MICAL3: variants seen among roughly 807,000 people sequenced by gnomAD.
MICAL3 encodes the protein microtubule associated monooxygenase, calponin and LIM domain containing 3.
A neutral mutation model predicts 207.4 loss-of-function variants in MICAL3; 62 were observed. That is an observed-to-expected ratio of 0.30 (90% confidence interval 0.24 to 0.37). The LOEUF is 0.37. MICAL3 is among the 10% of genes least tolerant of loss of function. MICAL3 has a pLI of 1.00. For missense variants in MICAL3, 2,368 were observed against 2,635.6 expected (o/e 0.90, Z 2.22); for synonymous variants, 1,077 against 1,069.3 (o/e 1.01, Z -0.14).
chr22:17,966,200 C>A (rs1935133107), intron 1 of MICAL3, among the ~76,000 whole-genome samples: 1 of 152,156 alleles, frequency 6.6e-6, no homozygotes, highest in African/African-American at 2.4e-5. Flanking sequence ...CATCGAATTT[C>A]CAGTCCCTGA....
At chr22:18,018,037 C>T (rs559081712) in intron 1 of MICAL3, among the ~76,000 whole-genome samples, 91 of 151,026 alleles carry the variant, frequency 6.0e-4, no homozygotes, top group South Asian at 4.4e-3. Context: ...GGCATGCCAC[C>T]GCGCCCGGCC....
chr22:17,854,431 T>C (rs937646094), intron 19 of MICAL3, among the ~76,000 whole-genome samples: 3 of 152,104 alleles, frequency 2.0e-5, no homozygotes, highest in African/African-American at 4.8e-5. Flanking sequence ...AGGTCTGACG[T>C]GGTAAGCTCA....
chr22:17,992,064 C>A (rs1248095099), intron 1 of MICAL3, among the ~76,000 whole-genome samples: 2 of 152,186 alleles, frequency 1.3e-5, no homozygotes, highest in African/African-American at 2.4e-5. Flanking sequence ...GGAAAGGGCA[C>A]AGACTGCAAA....
At chr22:17,875,358 G>A (rs565429221) in intron 16 of MICAL3, 34 of 741,216 alleles carry the variant, frequency 4.6e-5, no homozygotes, top group Non-Finnish European at 6.4e-5. Flanking sequence ...GAGGAACACT[G>A]CAGCCTCCTG....
chr22:17,975,666 T>A (rs1037990559), intron 1 of MICAL3, among the ~76,000 whole-genome samples: 3 of 152,144 alleles, frequency 2.0e-5, no homozygotes, highest in African/African-American at 7.2e-5. Flanking sequence ...AAATAGCACA[T>A]TTTCAAGTCA....
intron 20 of MICAL3, among the ~76,000 whole-genome samples, chr22:17,833,623 T>C (rs749903338): frequency 2.0e-4 from 31 of 152,186 alleles, no homozygotes; most frequent in Non-Finnish European, 2.9e-4. Context: ...TAGACACGCC[T>C]GGGGTGCCCT....
chr22:17,866,047 A>C (rs1375310738), intron 17 of MICAL3, 35 bp from the exon 18 acceptor site: 1 of 1,525,206 alleles, frequency 6.6e-7, no homozygotes, highest in African/African-American at 1.4e-5. Flanking sequence ...AGAGGCGATG[A>C]GCCAGGCACG....
intron 29 of MICAL3, 85 bp from the exon 30 acceptor site, chr22:17,791,386 A>G (rs777392795): frequency 1.0e-5 from 12 of 1,178,186 alleles, no homozygotes; most frequent in Non-Finnish European, 1.4e-5. Context: ...ATGTGCAAAG[A>G]GGGCCGAGCA....
intron 19 of MICAL3, chr22:17,861,924 T>C: frequency 3.0e-6 from 3 of 985,344 alleles, no homozygotes; most frequent in Non-Finnish European, 3.6e-6. Flanking sequence ...TGGGTGTGGG[T>C]GTGTTTTTTT....
intron 19 of MICAL3, among the ~76,000 whole-genome samples, chr22:17,854,658 C>T (rs1271803359): frequency 6.6e-6 from 1 of 152,214 alleles, no homozygotes; most frequent in Non-Finnish European, 1.5e-5. Flanking sequence ...TGAACTTTCC[C>T]TTGTCTCATG....
intron 21 of MICAL3, among the ~76,000 whole-genome samples, chr22:17,829,253 G>A (rs574060212): frequency 7.3e-4 from 107 of 146,810 alleles, no homozygotes; most frequent in Non-Finnish European, 8.8e-4. Flanking sequence ...CGCAACCTCC[G>A]CCTCCCAGGT....
chr22:17,955,877 A>G (rs1175456724), intron 1 of MICAL3, among the ~76,000 whole-genome samples: 3 of 151,978 alleles, frequency 2.0e-5, no homozygotes, highest in African/African-American at 4.8e-5. Context: ...GAGATCTCCG[A>G]CTCCCCACTC....
chr22:17,826,741 G>C (rs901504440), intron 22 of MICAL3, among the ~76,000 whole-genome samples: 1 of 152,188 alleles, frequency 6.6e-6, no homozygotes, highest in Non-Finnish European at 1.5e-5. Context: ...GGCCACCGCC[G>C]GCCCAGGGCT....
intron 1 of MICAL3, among the ~76,000 whole-genome samples, chr22:17,963,634 G>A (rs1000315266): frequency 6.6e-6 from 1 of 152,114 alleles, no homozygotes. Context: ...CTTCCTGTGA[G>A]CCCGCACCCC....
At chr22:17,913,137 C>T (rs1932246406) in intron 1 of MICAL3, among the ~76,000 whole-genome samples, 1 of 152,142 alleles carries the variant, frequency 6.6e-6, no homozygotes, top group South Asian at 2.1e-4. Flanking sequence ...AAACATGAAG[C>T]CAGCTCCTCC....
At chr22:17,936,099 T>C (rs1253295144) in intron 1 of MICAL3, among the ~76,000 whole-genome samples, 1 of 152,156 alleles carries the variant, frequency 6.6e-6, no homozygotes, top group Non-Finnish European at 1.5e-5. Context: ...AGATTATAAA[T>C]CATGCTACTA....
rs1005524518 is a variant in MICAL3 at position 17,930,809 on chromosome 22, G to A, written c.-74-23923C>T. ...TGAACTGAAGCAGTGGCCATGAGGT[G>A]AAGGGCAGAGACACGGGCACCTGGA... On this transcript the variant is annotated intron_variant, in intron 1 of 31. Transcript: ENST00000441493. Among the ~76,000 whole-genome samples the A allele has an allele frequency of 7.9e-5, 12 of 152,362 alleles. No individual in the cohort carries two copies. In the East Asian group the frequency reaches 1.2e-3, roughly 15 times the overall value.
rs60878765 is a variant in MICAL3 at position 17,883,596 on chromosome 22, C to T, written c.2241+2282G>A. On this transcript the variant is annotated intron_variant, in intron 16 of 31. Coordinates refer to ENST00000441493, the MANE Select transcript of MICAL3 (RefSeq NM_015241.3). ...AGCAGGGACTTGCTCAGCTGTGACA[C>T]GGAGGAAACGCAGCTGGGGGTCCCA... Among the ~76,000 whole-genome samples the T allele has an allele frequency of 1.2e-3, 182 of 152,308 alleles. 1 individual carries two copies. The highest frequency in any genetic ancestry group is 4.1e-3 in the African/African-American group (169 of 41,566).
intron 1 of MICAL3, among the ~76,000 whole-genome samples, chr22:17,976,892 C>T (rs9605461): frequency 0.22 from 33,153 of 150,522 alleles, 3,865 homozygotes; most frequent in Middle Eastern, 0.29. Context: ...CTGCAAGCTC[C>T]GCCTCCCAGG....
Sources: gnomAD v4.1 joint callset for allele counts (sites outside exome capture counted in the v4.1 genomes callset) on GRCh38, gnomAD v4.1.1 for gene constraint, MANE v1.5 for transcripts, NCBI Gene and HGNC (gene_info 2026-07-23, HGNC 2026-07-21) for gene names.